APC2: variants seen among roughly 807,000 people sequenced by gnomAD.
The protein encoded by APC2 is adenomatous polyposis coli protein 2.
In APC2, 41 loss-of-function variants were observed where a neutral mutation model predicts 72.5. The ratio of observed to expected loss-of-function variants is 0.57; its 90% confidence interval spans 0.44 to 0.73. The LOEUF (loss-of-function observed/expected upper bound fraction) is 0.73, where lower values mean the gene tolerates loss of function less well. Ranked by LOEUF, APC2 falls within the 30% of genes least tolerant of loss-of-function variation. The pLI is 0.00. For synonymous variants in APC2, 1,898 were observed against 1,612.0 expected (o/e 1.18, Z -4.25); for missense variants, 3,729 against 3,403.4 (o/e 1.10, Z -2.38).
At position 1,468,628 on chromosome 19, in the gene APC2, G is replaced by A. The variant is rs1238244534; in HGVS notation, c.5327G>A (p.Gly1776Asp). 4 of 1,600,990 alleles carry A rather than the reference G, an allele frequency of 2.5e-6. No individual in the cohort carries two copies. The highest frequency in any genetic ancestry group is 3.4e-6 in the Non-Finnish European group (4 of 1,172,914). The stretch of plus-strand genomic sequence containing the variant: ...CCTGCAGGCCCCGAGAAGCCACGTG[G>A]CACACAGAAGACCACGCCCGGGGTG... ...RSPAGPEKPRGTQKTTPGVPA... is the reference protein window; with the variant it reads ...RSPAGPEKPRDTQKTTPGVPA... The change falls in exon 15 of 15, where the codon GGC becomes GAC. Residue 1776 changes from glycine to aspartate, a missense_variant. By Grantham distance (94) the Gly-to-Asp change is moderately conservative. Transcript: ENST00000590469.
At chr19:1,447,105 G>T (rs141221777), upstream of APC2, among the ~76,000 whole-genome samples, 67 of 152,306 alleles carry the variant, frequency 4.4e-4, no homozygotes, top group Non-Finnish European at 7.6e-4. Flanking sequence ...AGGCTTCAGG[G>T]CGCGGCCTGG....
At chr19:1,458,726 C>CT (rs913263593) in intron 10 of APC2, 9 of 152,038 alleles carry the variant, frequency 5.9e-5, no homozygotes, top group East Asian at 2.0e-4. Context: ...CTTGCTGTAA[C>CT]TTTTTTTTGA....
intron 10 of APC2, among the ~76,000 whole-genome samples, chr19:1,459,804 G>A (rs943359189): frequency 1.2e-4 from 19 of 152,188 alleles, no homozygotes; most frequent in Non-Finnish European, 4.4e-5. Context: ...CTCTCCATCT[G>A]ATGGTCTTGG....
At chr19:1,455,887 T>C (rs1569143752) in intron 6 of APC2, among the ~76,000 whole-genome samples, 189 bp from the exon 7 acceptor site, 2 of 60,264 alleles carry the variant, frequency 3.3e-5, no homozygotes, top group African/African-American at 1.4e-4. Context: ...GGTCATATCT[T>C]AGGAGGCGGG....
chr19:1,469,268 G>A lies in APC2; in HGVS notation c.5967G>A (p.Ser1989=). 1 of 1,426,634 alleles carries A rather than the reference G, an allele frequency of 7.0e-7. No homozygotes were observed. The highest frequency in any genetic ancestry group is 1.3e-5 in the South Asian group (1 of 77,316). 88.4% of individuals were successfully genotyped at this position (1,426,634 alleles called of 1,614,324 possible). Residue 1989 remains serine (S), a synonymous_variant, in exon 15 of 15, where the codon TCG becomes TCA. Coordinates refer to ENST00000590469, the MANE Select transcript of APC2 (RefSeq NM_005883.3). The stretch of plus-strand genomic sequence containing the variant: ...GCGGCAGCGAGTCCTCCGACCGCTC[G>A]GGCTTCCGGCGACAGCTAACCTTCA... ...LSSGSESSDR[S]GFRRQLTFIK... is the part of the protein sequence containing the mutation.
chr19:1,465,905 C>T lies in APC2; in HGVS notation c.2604C>T (p.Ser868=), dbSNP rs1443357964. The change falls in exon 15 of 15, where the codon TCC becomes TCT. Residue 868 remains serine (S), a synonymous_variant. Transcript: ENST00000590469. ...VEDISALHTS[S]DDSFSLSSGD... ...ACATCTCCGCCCTGCACACCTCGTC[C>T]GACGATAGCTTCAGCCTCAGCTCTG... 4 of 1,581,248 alleles carry T rather than the reference C, an allele frequency of 2.5e-6. No homozygotes were observed. The highest frequency in any genetic ancestry group is 2.7e-5 in the African/African-American group (2 of 73,048).
chr19:1,464,245 G>A (rs1310321748), intron 14 of APC2, among the ~76,000 whole-genome samples: 1 of 152,026 alleles, frequency 6.6e-6, no homozygotes, highest in Non-Finnish European at 1.5e-5. Context: ...GGAGGTGGAG[G>A]TTGCAGTGAG....
chr19:1,450,738 C>T lies in APC2; in HGVS notation c.-19+400C>T, dbSNP rs139601751. On this transcript the variant is annotated intron_variant, in intron 1 of 14. Coordinates refer to ENST00000590469, the MANE Select transcript of APC2 (RefSeq NM_005883.3). ...CCTCCCTCCCCTGAAATGCAGCCCG[C>T]TCAATAAGACCAGCCCCCAGTCATG... 5.1e-3 allele frequency among the ~76,000 whole-genome samples: 772 copies of T among 152,304 alleles called. 6 individuals are homozygous for T. The highest frequency in any genetic ancestry group is 6.7e-3 in the Non-Finnish European group (457 of 68,030).
Position 1,469,648 on chromosome 19 carries a change from C to A in APC2, c.6347C>A (p.Pro2116His). The A allele has an allele frequency of 8.1e-7, 1 of 1,238,064 alleles. No individual in the cohort carries two copies. The highest frequency in any genetic ancestry group is 1.0e-6 in the Non-Finnish European group (1 of 993,034). 76.7% of individuals were successfully genotyped at this position (1,238,064 alleles called of 1,614,324 possible). ...SVARRPDGAVPAAPASADAAR... is the reference protein window; with the variant it reads ...SVARRPDGAVHAAPASADAAR... ...GCCCGCAGGCCCGACGGCGCCGTCC[C>A]CGCGGCCCCTGCCTCAGCCGACGCC... Residue 2116 changes from proline (P) to histidine (H), a missense_variant, in exon 15 of 15, where the codon CCC (proline) becomes CAC (histidine). Transcript: ENST00000590469.
intron 9 of APC2, 134 bp downstream of exon 9, chr19:1,457,377 C>G (rs549634140): frequency 3.5e-4 from 456 of 1,297,182 alleles, no homozygotes; most frequent in Non-Finnish European, 4.3e-4. Flanking sequence ...CAGGCTCCGG[C>G]CGAGGCCTGT....
chr19:1,469,466 CCCGGCCCGGCA>C lies in APC2; in HGVS notation c.6166_6176del (p.Pro2056AlafsTer93). The C allele has an allele frequency of 8.9e-7, 1 of 1,127,800 alleles. No individual in the cohort carries two copies. The highest frequency in any genetic ancestry group is 1.1e-6 in the Non-Finnish European group (1 of 924,828). 69.9% of individuals were successfully genotyped at this position (1,127,800 alleles called of 1,614,324 possible). A position where few individuals can be genotyped will look rare whatever the true frequency, so the allele number is the denominator to read the frequency against. ...GAGCGGCACCCCGGCAGGGCCCGGCCCCGGCCCGGCAGCGGCCCCCCGCGGCCCGACCCAGC... is the reference window on the plus strand; with the variant it reads ...GAGCGGCACCCCGGCAGGGCCCGGCCGCGGCCCCCCGCGGCCCGACCCAGC... On this transcript the variant is annotated frameshift_variant, in exon 15 of 15. Transcript: ENST00000590469. LOFTEE classifies it low-confidence loss of function (END_TRUNC).
chr19:1,465,573 C>G lies in APC2; in HGVS notation c.2272C>G (p.Leu758Val), dbSNP rs763021067. Residue 758 changes from leucine (L) to valine (V), a missense_variant, in exon 15 of 15, where the codon CTG becomes GTG. By Grantham distance (32) the Leu-to-Val change is conservative (BLOSUM62 1). Coordinates refer to ENST00000590469, the MANE Select transcript of APC2 (RefSeq NM_005883.3). ...PAAEAATKKP[L>V]PPLRHLDGLA... ...AGCCGAGGCCGCCACTAAGAAGCCG[C>G]TGCCGCCCCTGCGACACCTGGACGG... 15 of 1,560,604 alleles carry G rather than the reference C, an allele frequency of 9.6e-6. No homozygotes were observed. The highest frequency in any genetic ancestry group is 1.3e-5 in the Non-Finnish European group (15 of 1,154,874).
At position 1,466,775 on chromosome 19, in the gene APC2, G is replaced by C. The variant is rs908761778; in HGVS notation, c.3474G>C (p.Val1158=). 6.5e-7 allele frequency: 1 copy of C among 1,549,886 alleles called. No individual in the cohort carries two copies. Among genetic ancestry groups the C allele is most frequent in the African/African-American group, 1.4e-5 (1 of 73,220 alleles). The change falls in exon 15 of 15, where the codon GTG becomes GTC. Residue 1158 remains valine, a synonymous_variant. Coordinates refer to ENST00000590469, the MANE Select transcript of APC2 (RefSeq NM_005883.3). ...ACTACGTGCAGGAGACACCGCTTGT[G>C]CTGAGCCGCTGCAGCTCTGTGAGCT... is the stretch of plus-strand genomic sequence containing the variant. ...SENYVQETPL[V]LSRCSSVSSL...
chr19:1,451,895 G>A (rs1278714127), intron 1 of APC2: 1 of 152,642 alleles, frequency 6.6e-6, no homozygotes, highest in Admixed American at 6.5e-5. Context: ...GGGATGAGGG[G>A]GCACCTGGGG....
At chr19:1,463,160 A>G (rs1011737367) in intron 14 of APC2, among the ~76,000 whole-genome samples, 1 of 147,346 alleles carries the variant, frequency 6.8e-6, no homozygotes, top group Non-Finnish European at 1.5e-5. Flanking sequence ...GGTGGCTCAC[A>G]CCTGTAATCC....
At chr19:1,456,225 C>T (rs1232826999) in intron 7 of APC2, 72 bp downstream of exon 7, 2 of 1,548,868 alleles carry the variant, frequency 1.3e-6, no homozygotes, top group South Asian at 1.2e-5. Flanking sequence ...TCGAGTTCTG[C>T]CCGCCCCCGC....
intron 10 of APC2, among the ~76,000 whole-genome samples, chr19:1,458,875 G>T (rs189136204): frequency 6.6e-6 from 1 of 152,174 alleles, no homozygotes; most frequent in Admixed American, 6.5e-5. Context: ...GTAGAGACGG[G>T]GTTTCACCGT....
chr19:1,461,464 G>A lies in APC2; in HGVS notation c.1638+311G>A, dbSNP rs181258925. 3.4e-3 allele frequency: 1,519 copies of A among 443,864 alleles called. 6 individuals carry two copies. The highest frequency in any genetic ancestry group is 4.9e-3 in the Non-Finnish European group (1,189 of 243,964). The allele number at this position is 443,864 out of a possible 1,614,324, so 27.5% of individuals were successfully genotyped here. A position where few individuals can be genotyped will look rare whatever the true frequency, so the allele number is the denominator to read the frequency against. The stretch of plus-strand genomic sequence containing the variant: ...GGCGCCTGTTAGTCCAGCTACTCGG[G>A]AGGCTGAGGCAGGAGAATCACTTGA... On this transcript the variant is annotated intron_variant, in intron 13 of 14. Transcript: ENST00000590469.
chr19:1,460,840 A>G lies in APC2; in HGVS notation c.1504A>G (p.Ser502Gly), dbSNP rs775783511. The change falls in exon 12 of 15, where the codon AGT (serine) becomes GGT (glycine). Residue 502 changes from serine (S) to glycine (G), a missense_variant. By Grantham distance (56) the Ser-to-Gly change is moderately conservative. Coordinates refer to ENST00000590469, the MANE Select transcript of APC2 (RefSeq NM_005883.3). ...EAIVAQLASDSEELHQVVSSI... is the reference protein window; with the variant it reads ...EAIVAQLASDGEELHQVVSSI... ...CATCGTGGCCCAGCTGGCCTCCGAC[A>G]GTGAGGAGCTCCACCAGGTACAGGG... The G allele has an allele frequency of 1.2e-6, 2 of 1,613,030 alleles. No individual in the cohort carries two copies. Among genetic ancestry groups the G allele is most frequent in the Admixed American group, 1.7e-5 (1 of 59,998 alleles).
Sources: allele counts gnomAD v4.1 joint callset (sites outside exome capture counted in the v4.1 genomes callset), GRCh38; gene constraint gnomAD v4.1.1; transcripts MANE v1.5; gene names NCBI Gene and HGNC (gene_info 2026-07-23, HGNC 2026-07-21).